Variants in ITGA3 observed in about 807,000 individuals in gnomAD.
ITGA3 encodes the protein integrin subunit alpha 3.
In ITGA3, 70 loss-of-function variants were observed where a neutral mutation model predicts 131.1. The observed-to-expected ratio is 0.53, with a 90% CI of 0.44 to 0.65. ITGA3 has a LOEUF of 0.65. ITGA3 is among the 30% of genes least tolerant of loss of function. The pLI, the probability that ITGA3 is intolerant of heterozygous loss-of-function variation, is 0.00. For synonymous variants in ITGA3, 537 were observed against 571.6 expected, an observed-to-expected ratio of 0.94 and a Z score of 0.86; for missense variants, 1,098 against 1,388.6, an observed-to-expected ratio of 0.79 and a Z score of 3.33.
chr17:50,079,926 G>A (rs1267672520), intron 21 of ITGA3, among the ~76,000 whole-genome samples: 2 of 152,192 alleles, frequency 1.3e-5, no homozygotes, highest in Admixed American at 1.3e-4. Flanking sequence ...CTGGCAAGCC[G>A]GTTGAAGCCT....
At position 50,081,167 on chromosome 17, in the gene ITGA3, G is replaced by A; in HGVS notation, c.2821-143G>A. 4.9e-6 allele frequency: 3 copies of A among 606,072 alleles called. No individual in the cohort carries two copies. The South Asian group carries it at 6.2e-5, about 12-fold the overall frequency. 37.5% of individuals were successfully genotyped at this position (606,072 alleles called of 1,614,324 possible). On this transcript the variant is annotated intron_variant, in intron 22 of 25. Transcript: ENST00000320031. ...AATGATGCGCATTTGTGTGTGGAGG[G>A]GAGGCCTGGCTGACAGATCCTTTGG...
In ITGA3 at chr17:50,056,963, T is replaced by C. The variant is rs1041445087; in HGVS notation, c.206+318T>C. ...GAACCGAGTACCCAGCACTAGCCTG[T>C]TCTCTCCAGGGCTGGGAGCTGGGGT... On this transcript the variant is annotated intron_variant, in intron 1 of 25. Transcript: ENST00000320031. This position sits in a 1 kb window ranked among gnomAD's most constrained non-coding sequence, Gnocchi z 5.6. 2.0e-5 allele frequency among the ~76,000 whole-genome samples: 3 copies of C among 152,170 alleles called. No homozygotes were observed. The highest frequency in any genetic ancestry group is 7.2e-5 in the African/African-American group (3 of 41,410).
chr17:50,080,463 G>GGGGT (rs878979814), intron 22 of ITGA3, 88 bp downstream of exon 22: 104 of 506,288 alleles, frequency 2.1e-4, no homozygotes, highest in African/African-American at 1.0e-3. Flanking sequence ...TCATAGCATG[G>GGGGT]GTGTGTGTGT....
intron 1 of ITGA3, among the ~76,000 whole-genome samples, chr17:50,057,210 C>G (rs1016232571): frequency 6.6e-6 from 1 of 152,156 alleles, no homozygotes; most frequent in African/African-American, 2.4e-5. Context: ...CCCTCTGACG[C>G]CTTGAGGATA....
At chr17:50,061,071 G>T (rs1243139144) in intron 1 of ITGA3, among the ~76,000 whole-genome samples, 1 of 152,166 alleles carries the variant, frequency 6.6e-6, no homozygotes, top group Non-Finnish European at 1.5e-5. Context: ...CCTGGGCTGG[G>T]AGCCAGAGGG....
At chr17:50,088,411 C>A in intron 25 of ITGA3, 45 bp downstream of exon 25, 1 of 1,066,144 alleles carries the variant, frequency 9.4e-7, no homozygotes, top group Non-Finnish European at 1.4e-6. Flanking sequence ...CACAGCTGGC[C>A]GGGCCTCTGA....
chr17:50,068,405 C>T (rs1432278895), intron 4 of ITGA3, 100 bp downstream of exon 4: 12 of 1,336,530 alleles, frequency 9.0e-6, no homozygotes, highest in Non-Finnish European at 1.2e-5. Context: ...ACACTAGAAA[C>T]AGGACCTCAT....
intron 15 of ITGA3, 101 bp downstream of exon 15, chr17:50,077,222 C>T (rs919753778): frequency 7.4e-7 from 1 of 1,356,104 alleles, no homozygotes; most frequent in Non-Finnish European, 1.0e-6. Flanking sequence ...GCCACGTGCC[C>T]ACCTCCTCTG....
At chr17:50,082,308 A>G (rs1909222640) in intron 23 of ITGA3, among the ~76,000 whole-genome samples, 1 of 151,906 alleles carries the variant, frequency 6.6e-6, no homozygotes, top group South Asian at 2.1e-4. Flanking sequence ...CCTCCCAAGT[A>G]GCTGGGACTA....
intron 1 of ITGA3, 141 bp from the exon 2 acceptor site, chr17:50,063,936 T>A: frequency 8.4e-7 from 1 of 1,197,268 alleles, no homozygotes; most frequent in Non-Finnish European, 1.2e-6. Context: ...TGCCTTACCC[T>A]ACACTGGGCA....
rs567992357 is a variant in ITGA3 at position 50,061,447 on chromosome 17, C to A, written c.207-2630C>A. Among the ~76,000 whole-genome samples the A allele has an allele frequency of 3.9e-5, 6 of 152,152 alleles. No homozygotes were observed. In the South Asian group the frequency reaches 1.0e-3, roughly 26 times the overall value. ...CTCCTGTATGACAACATGGGCAGGG[C>A]AGCAGCAGCAACAAGGGGGCAACAC... On this transcript the variant is annotated intron_variant, in intron 1 of 25. Coordinates refer to ENST00000320031, the MANE Select transcript of ITGA3 (RefSeq NM_002204.4).
chr17:50,087,701 A>G lies in ITGA3; in HGVS notation c.2920-43A>G, dbSNP rs181447206. 286 of 1,588,644 alleles carry G rather than the reference A, an allele frequency of 1.8e-4. 1 individual carries two copies. In the African/African-American group the frequency reaches 3.3e-3, roughly 19 times the overall value. ...GGATAGGAAGGGTGAGGATGGGCCT[A>G]AGCAGGCTGACACAGGGCTGAGTCC... On this transcript the variant is annotated intron_variant, in intron 23 of 25. Transcript: ENST00000320031.
In ITGA3 at chr17:50,068,328, G is replaced by A. The variant is rs1408979282; in HGVS notation, c.664+23G>A. Reference sequence around the variant, plus strand: ...AAGGTGGGGACCATGGGGCCATGGGGGAAGAAAGGAAGAGCAGAGACCACC... The same window carrying A: ...AAGGTGGGGACCATGGGGCCATGGGAGAAGAAAGGAAGAGCAGAGACCACC... On this transcript the variant is annotated intron_variant, in intron 4 of 25. Coordinates refer to ENST00000320031, the MANE Select transcript of ITGA3 (RefSeq NM_002204.4). The A allele has an allele frequency of 5.0e-6, 8 of 1,608,376 alleles. No homozygotes were observed. In the South Asian group the frequency reaches 6.6e-5, roughly 13 times the overall value.
chr17:50,083,399 T>C (rs1046297992), intron 23 of ITGA3, among the ~76,000 whole-genome samples: 4 of 152,026 alleles, frequency 2.6e-5, no homozygotes, highest in Non-Finnish European at 5.9e-5. Flanking sequence ...TATGAAAATT[T>C]AAATCTGTAT....
At position 50,076,338 on chromosome 17, in the gene ITGA3, G is replaced by A. The variant is rs1286190420; in HGVS notation, c.1687G>A (p.Asp563Asn). The A allele has an allele frequency of 6.2e-7, 1 of 1,613,672 alleles. No homozygotes were observed. The highest frequency in any genetic ancestry group is 1.1e-5 in the South Asian group (1 of 91,054). Reference protein sequence around the residue: ...LELLLMDNLRDKLRPIIISMN... With the variant: ...LELLLMDNLRNKLRPIIISMN... ...CCTCTCTCCCCAGGACAACCTCCGT[G>A]ACAAACTCCGCCCCATCATCATCTC... The change falls in exon 13 of 26, where the codon GAC (aspartate) becomes AAC (asparagine). Residue 563 changes from aspartate (D) to asparagine (N), a missense_variant. Asp to Asn is a conservative substitution (Grantham distance 23). Transcript: ENST00000320031.
rs2269771 is a variant in ITGA3, at chr17:50,088,006, A to C, written c.3045+137A>C. The C allele has an allele frequency of 0.88, 1,140,981 of 1,297,118 alleles. 505,006 individuals carry two copies. The highest frequency in any genetic ancestry group is 0.9 in the Non-Finnish European group (872,617 of 965,516). 80.4% of individuals were successfully genotyped at this position (1,297,118 alleles called of 1,614,324 possible). ...TTCCTCCCTGTCCTCTCCACCTTCT[A>C]CCACCAGCTTACAGTCTCACCCCTG... is the stretch of plus-strand genomic sequence containing the variant. On this transcript the variant is annotated intron_variant, in intron 24 of 25. Transcript: ENST00000320031.
chr17:50,083,313 T>C (rs1909259887), intron 23 of ITGA3, among the ~76,000 whole-genome samples: 1 of 152,218 alleles, frequency 6.6e-6, no homozygotes, highest in African/African-American at 2.4e-5. Context: ...CAGAACACTT[T>C]AATAGTAACC....
In ITGA3 at chr17:50,076,642, G is replaced by C. The variant is rs140781106; in HGVS notation, c.1883G>C (p.Arg628Pro). Residue 628 changes from arginine (R) to proline (P), a missense_variant, in exon 14 of 26, where the codon CGG (arginine) becomes CCG (proline). Coordinates refer to ENST00000320031, the MANE Select transcript of ITGA3 (RefSeq NM_002204.4). Reference protein sequence around the residue: ...DNKCESNLQMRAAFVSEQQQK... With the variant: ...DNKCESNLQMPAAFVSEQQQK... ...AAGTGTGAGAGCAACTTGCAGATGC[G>C]GGCAGCCTTCGTGTCAGAGCAGCAG... is the stretch of plus-strand genomic sequence containing the variant. 1 of 1,613,656 alleles carries C rather than the reference G, an allele frequency of 6.2e-7. No individual in the cohort carries two copies. Among genetic ancestry groups the C allele is most frequent in the Admixed American group, 1.7e-5 (1 of 60,030 alleles).
intron 4 of ITGA3, among the ~76,000 whole-genome samples, chr17:50,069,137 C>G (rs769194617): frequency 6.6e-6 from 1 of 151,998 alleles, no homozygotes; most frequent in Admixed American, 6.6e-5. Context: ...CGTGAGCCAC[C>G]GCGCCCAGCC....
Sources: gnomAD v4.1 joint callset for allele counts (sites outside exome capture counted in the v4.1 genomes callset) on GRCh38, gnomAD v4.1.1 for gene constraint, Gnocchi (gnomAD v3.1) non-coding constraint, MANE v1.5 for transcripts, NCBI Gene and HGNC (gene_info 2026-07-23, HGNC 2026-07-21) for gene names.